The following TFCP2 variants were observed in gnomAD, a reference collection of about 807,000 sequenced individuals.
TFCP2 encodes alpha-globin transcription factor CP2.
Under a neutral mutation model 73.4 loss-of-function variants are expected in TFCP2, and 33 were observed. The observed-to-expected ratio is 0.45, with a 90% CI of 0.34 to 0.60. TFCP2 has a LOEUF of 0.60. Among genes scored for constraint, TFCP2 ranks in the 20% least tolerant of loss-of-function variants. The pLI is 0.01. For synonymous variants in TFCP2, 193 were observed against 211.6 expected (o/e 0.91, Z 0.76); for missense variants, 352 against 604.0 (o/e 0.58, Z 4.37).
intron 1 of TFCP2, among the ~76,000 whole-genome samples, chr12:51,131,871 G>C (rs1482405480): frequency 6.6e-6 from 1 of 151,968 alleles, no homozygotes; most frequent in Non-Finnish European, 1.5e-5. Flanking sequence ...CAGTGTTTCA[G>C]CAGCAGTAAA....
intron 1 of TFCP2, among the ~76,000 whole-genome samples, chr12:51,157,273 C>T (rs569553898): frequency 6.6e-6 from 1 of 152,088 alleles, no homozygotes; most frequent in Non-Finnish European, 1.5e-5. Flanking sequence ...CCGCCCACCT[C>T]AGCCTCCCAA....
chr12:51,144,021 CAAGATGATTCTT>C (rs1222439251), intron 1 of TFCP2, among the ~76,000 whole-genome samples: 2 of 152,066 alleles, frequency 1.3e-5, no homozygotes, highest in African/African-American at 4.8e-5. Context: ...TTCAACTTGA[CAAGATGATTCTT>C]AAAAAAAATT....
intron 8 of TFCP2, among the ~76,000 whole-genome samples, chr12:51,105,382 G>A (rs902056596): frequency 1.4e-4 from 21 of 152,250 alleles, no homozygotes; most frequent in African/African-American, 4.8e-4. Context: ...GTGAGCCACC[G>A]CGCCCAGCCT....
intron 1 of TFCP2, among the ~76,000 whole-genome samples, chr12:51,145,384 A>AC (rs1941274570): frequency 7.3e-6 from 1 of 136,466 alleles, no homozygotes. Context: ...TCTGTCTCAG[A>AC]AAAAAAAAAA....
chr12:51,129,276 G>A (rs914294316), intron 1 of TFCP2, among the ~76,000 whole-genome samples: 3 of 152,080 alleles, frequency 2.0e-5, no homozygotes, highest in Admixed American at 6.6e-5. Flanking sequence ...CACTTTGGGA[G>A]GCTGAGGTGG....
chr12:51,171,305 T>C (rs1017925199), intron 1 of TFCP2, among the ~76,000 whole-genome samples: 1 of 152,216 alleles, frequency 6.6e-6, no homozygotes, highest in South Asian at 2.1e-4. Context: ...TAAACTATAC[T>C]GGAGGAATGA....
At chr12:51,146,668 C>T (rs1330683018) in intron 1 of TFCP2, among the ~76,000 whole-genome samples, 1 of 152,180 alleles carries the variant, frequency 6.6e-6, no homozygotes, top group East Asian at 1.9e-4. Flanking sequence ...CCTATAATCC[C>T]TCTGCCTGGA....
chr12:51,157,947 G>C (rs1941573075), intron 1 of TFCP2, among the ~76,000 whole-genome samples: 1 of 151,072 alleles, frequency 6.6e-6, no homozygotes, highest in African/African-American at 2.4e-5. Context: ...CAAAGTGCTG[G>C]GATTACAGGC....
At chr12:51,131,828 T>A (rs551719702) in intron 1 of TFCP2, among the ~76,000 whole-genome samples, 1 of 152,284 alleles carries the variant, frequency 6.6e-6, no homozygotes, top group Non-Finnish European at 1.5e-5. Flanking sequence ...TTATTTTCCT[T>A]CTTTCCTCTC....
intron 1 of TFCP2, among the ~76,000 whole-genome samples, chr12:51,124,138 C>A (rs530628029): frequency 6.6e-6 from 1 of 152,072 alleles, no homozygotes; most frequent in Non-Finnish European, 1.5e-5. Context: ...CTCTGTCACC[C>A]AGGATGGGGT....
At chr12:51,168,855 G>A (rs1941805757) in intron 1 of TFCP2, among the ~76,000 whole-genome samples, 1 of 151,670 alleles carries the variant, frequency 6.6e-6, no homozygotes, top group Admixed American at 6.6e-5. Context: ...AGGCTGTAGT[G>A]CAGTGGCACA....
chr12:51,147,334 C>CAAA (rs761491614), intron 1 of TFCP2, among the ~76,000 whole-genome samples: 1 of 151,432 alleles, frequency 6.6e-6, no homozygotes, highest in African/African-American at 2.4e-5. Flanking sequence ...GACTTCATCT[C>CAAA]AAAAAAGAAA....
In TFCP2 at chr12:51,118,734, G is replaced by A. The variant is rs1393478850; in HGVS notation, c.161C>T (p.Ser54Leu). 12 of 1,614,068 alleles carry A rather than the reference G, an allele frequency of 7.4e-6. No homozygotes were observed. Among genetic ancestry groups the A allele is most frequent in the Non-Finnish European group, 1.0e-5 (12 of 1,180,034 alleles). ...LALPIFKQEE[S>L]SLPPDNENKI... is the part of the protein sequence containing the mutation. ...ATTCTCATTATCAGGAGGCAAACTC[G>A]ACTCTTCTTGCTTAAAAATGGGCAA... Residue 54 changes from serine to leucine, a missense_variant, in exon 2 of 15, where the codon TCG becomes TTG. By Grantham distance (145) the Ser-to-Leu change is moderately radical (BLOSUM62 -2). Coordinates refer to ENST00000257915, the MANE Select transcript of TFCP2 (RefSeq NM_005653.5).
chr12:51,161,688 T>TAAC lies in TFCP2; in HGVS notation c.122+10612_122+10613insGTT, dbSNP rs964114336. On this transcript the variant is annotated intron_variant, in intron 1 of 14. Transcript: ENST00000257915. ...GAGTGAGACTCTGTCTCAAAAAAAA[T>TAAC]AATAATAATAATAATAATTTTTTTT... Among the ~76,000 whole-genome samples, 3 of 129,440 alleles carry TAAC rather than the reference T, an allele frequency of 2.3e-5. No individual in the cohort carries two copies. In the Admixed American group the frequency reaches 2.5e-4, roughly 11 times the overall value. The allele number at this position is 129,440 out of a possible 152,430, so 84.9% of individuals were successfully genotyped here.
intron 1 of TFCP2, among the ~76,000 whole-genome samples, chr12:51,144,900 A>G (rs1430231430): frequency 6.6e-6 from 1 of 152,106 alleles, no homozygotes; most frequent in Non-Finnish European, 1.5e-5. Context: ...CGTCTGTACT[A>G]AAAATACATA....
At chr12:51,136,823 G>A (rs977091834) in intron 1 of TFCP2, among the ~76,000 whole-genome samples, 10 of 152,134 alleles carry the variant, frequency 6.6e-5, no homozygotes, top group African/African-American at 1.9e-4. Context: ...CCTGTAGCCC[G>A]TAGTCCCAGC....
In TFCP2 at chr12:51,109,622, T is replaced by A. The variant is rs564473304; in HGVS notation, c.565-349A>T. Among the ~76,000 whole-genome samples, 19 of 152,218 alleles carry A rather than the reference T, an allele frequency of 1.2e-4. No individual in the cohort carries two copies. The South Asian group carries it at 1.5e-3, about 12-fold the overall frequency. On this transcript the variant is annotated intron_variant, in intron 5 of 14. Transcript: ENST00000257915. ...GGAAGATTGTAGAAAGAGGAGTCAC[T>A]ACCCAGTCTGGGAACATAGTAAATA...
intron 7 of TFCP2, chr12:51,106,922 C>A: frequency 4.0e-6 from 2 of 505,648 alleles, no homozygotes; most frequent in South Asian, 2.3e-5. Flanking sequence ...TGGTTTATGC[C>A]CAAGATGAAA....
chr12:51,096,118 C>A, intron 13 of TFCP2, 78 bp from the exon 14 acceptor site: 2 of 1,143,354 alleles, frequency 1.7e-6, no homozygotes, highest in Non-Finnish European at 2.6e-6. Flanking sequence ...AAGGACTACC[C>A]CACATCCAGA....
Sources: allele counts gnomAD v4.1 joint callset (sites outside exome capture counted in the v4.1 genomes callset), GRCh38; gene constraint gnomAD v4.1.1; transcripts MANE v1.5; gene names NCBI Gene and HGNC (gene_info 2026-07-23, HGNC 2026-07-21).